INSYN2B: variants seen among roughly 807,000 people sequenced by gnomAD.
INSYN2B encodes the protein inhibitory synaptic factor family member 2B.
A neutral mutation model predicts 41.2 loss-of-function variants in INSYN2B; 16 were observed. The ratio of observed to expected loss-of-function variants is 0.39; its 90% CI spans 0.26 to 0.59. The LOEUF (loss-of-function observed/expected upper bound fraction) is 0.59. Ranked by LOEUF, INSYN2B falls within the 20% of genes least tolerant of loss-of-function variation. The pLI is 0.57. For synonymous variants in INSYN2B, 245 were observed against 244.4 expected (o/e 1.00, Z -0.02); for missense variants, 608 against 646.4 (o/e 0.94, Z 0.64).
chr5:169,961,473 G>A (rs1052484675), intron 1 of INSYN2B, among the ~76,000 whole-genome samples: 1 of 152,176 alleles, frequency 6.6e-6, no homozygotes, highest in African/African-American at 2.4e-5. Flanking sequence ...AAATTTAAAC[G>A]TGTTCATTTT....
chr5:169,901,343 A>G (rs1438600374), intron 1 of INSYN2B, among the ~76,000 whole-genome samples: 1 of 152,170 alleles, frequency 6.6e-6, no homozygotes, highest in African/African-American at 2.4e-5. Flanking sequence ...AGGAGTGATG[A>G]TATTGGTCCT....
chr5:169,978,393 G>GTGTGTGT (rs1554123457), intron 1 of INSYN2B, among the ~76,000 whole-genome samples: 2 of 43,886 alleles, frequency 4.6e-5, no homozygotes, highest in African/African-American at 1.8e-4. Flanking sequence ...GTGTGTGTGT[G>GTGTGTGT]GGGGGGGGGG....
intron 1 of INSYN2B, among the ~76,000 whole-genome samples, chr5:169,912,226 T>TTTTA (rs1186137594): frequency 6.6e-6 from 1 of 152,162 alleles, no homozygotes; most frequent in Non-Finnish European, 1.5e-5. Flanking sequence ...TTATTTATTA[T>TTTTA]TTTATTTATT....
intron 1 of INSYN2B, chr5:169,934,765 A>C: frequency 2.2e-6 from 1 of 454,514 alleles, no homozygotes. Flanking sequence ...AGTAAATGCT[A>C]GTTATCATGC....
chr5:169,891,551 T>C (rs1471591137), intron 1 of INSYN2B, among the ~76,000 whole-genome samples: 1 of 152,002 alleles, frequency 6.6e-6, no homozygotes, highest in Non-Finnish European at 1.5e-5. Context: ...CAGAATAAAG[T>C]GGAGTTGTTC....
intron 1 of INSYN2B, among the ~76,000 whole-genome samples, chr5:169,923,485 A>G (rs10035370): frequency 0.019 from 362 of 18,968 alleles, 1 homozygote; most frequent in African/African-American, 0.071. Context: ...GCACGTGGGC[A>G]CACACACACA....
chr5:169,973,996 G>A (rs996204120), intron 1 of INSYN2B, among the ~76,000 whole-genome samples: 11 of 152,182 alleles, frequency 7.2e-5, no homozygotes, highest in Admixed American at 5.9e-4. Flanking sequence ...CAGGGGGAGA[G>A]GTGGTGAGGT....
At chr5:169,888,393 G>C (rs1487952299) in intron 1 of INSYN2B, among the ~76,000 whole-genome samples, 4 of 152,118 alleles carry the variant, frequency 2.6e-5, no homozygotes, top group Non-Finnish European at 5.9e-5. Flanking sequence ...AATTATTACT[G>C]ATCTTTGCAA....
At chr5:169,881,127 C>G in intron 3 of INSYN2B, among the ~76,000 whole-genome samples, 1 of 152,156 alleles carries the variant, frequency 6.6e-6, no homozygotes, top group East Asian at 1.9e-4. Context: ...GCCAAGCTTA[C>G]CATGATGCCT....
At chr5:169,867,982 C>T (rs922510459) in intron 3 of INSYN2B, among the ~76,000 whole-genome samples, 3 of 152,238 alleles carry the variant, frequency 2.0e-5, no homozygotes, top group Non-Finnish European at 4.4e-5. Context: ...CATCTATATT[C>T]ACAATGCTCC....
intron 3 of INSYN2B, among the ~76,000 whole-genome samples, chr5:169,879,299 T>G (rs1317675233): frequency 6.6e-6 from 1 of 152,044 alleles, no homozygotes; most frequent in Non-Finnish European, 1.5e-5. Flanking sequence ...TCACATCACT[T>G]ATTCATTCGT....
At chr5:169,928,289 G>T (rs750796255) in intron 1 of INSYN2B, among the ~76,000 whole-genome samples, 1 of 152,100 alleles carries the variant, frequency 6.6e-6, no homozygotes, top group Non-Finnish European at 1.5e-5. Context: ...GGGCCAGCCT[G>T]TTCTTGCCCA....
chr5:169,971,573 T>C (rs1004122667), intron 1 of INSYN2B, among the ~76,000 whole-genome samples: 1 of 152,170 alleles, frequency 6.6e-6, no homozygotes, highest in African/African-American at 2.4e-5. Context: ...TTTCTCATCA[T>C]GGGGATCAGC....
intron 3 of INSYN2B, chr5:169,875,098 C>T (rs1356425271): frequency 9.6e-6 from 4 of 417,810 alleles, no homozygotes; most frequent in East Asian, 7.1e-5. Flanking sequence ...GGCTATTTTA[C>T]AAGCAAGTAT....
intron 1 of INSYN2B, among the ~76,000 whole-genome samples, chr5:169,900,197 C>G (rs949975160): frequency 1.3e-5 from 2 of 152,186 alleles, no homozygotes; most frequent in Admixed American, 6.5e-5. Context: ...AAGACGCAAG[C>G]TTTAAGCAAG....
intron 1 of INSYN2B, among the ~76,000 whole-genome samples, chr5:169,938,455 AT>A (rs1162349387): frequency 6.6e-6 from 1 of 152,228 alleles, no homozygotes; most frequent in Non-Finnish European, 1.5e-5. Flanking sequence ...CCTGTATAGC[AT>A]GTTACTCTCC....
chr5:169,894,922 T>C (rs1773509490), intron 1 of INSYN2B, among the ~76,000 whole-genome samples: 1 of 152,168 alleles, frequency 6.6e-6, no homozygotes, highest in South Asian at 2.1e-4. Context: ...AAATGTCCCG[T>C]CTGCTGGTTT....
intron 2 of INSYN2B, among the ~76,000 whole-genome samples, chr5:169,882,010 T>C (rs147956751): frequency 6.6e-6 from 1 of 152,178 alleles, no homozygotes; most frequent in Non-Finnish European, 1.5e-5. Flanking sequence ...TTGCCGAAAA[T>C]GAATTGTGCA....
chr5:169,875,102 C>T (rs1772237782), intron 3 of INSYN2B: 1 of 423,634 alleles, frequency 2.4e-6, no homozygotes, highest in Admixed American at 2.6e-5. Context: ...ATTTTACAAG[C>T]AAGTATTTTT....
Sources: allele counts gnomAD v4.1 joint callset (sites outside exome capture counted in the v4.1 genomes callset), GRCh38; gene constraint gnomAD v4.1.1; transcripts MANE v1.5; gene names NCBI Gene and HGNC (gene_info 2026-07-23, HGNC 2026-07-21).